The following CFI variants were observed in gnomAD, a reference collection of about 807,000 sequenced individuals.
CFI encodes the protein complement factor I.
CFI carries 66 observed loss-of-function variants against 78.8 expected under a neutral mutation model. The observed-to-expected ratio is 0.84, with a 90% CI of 0.69 to 1.03. The LOEUF is 1.03. CFI is among the 50% of genes least tolerant of loss of function. The pLI is 0.00. For missense variants in CFI, 706 were observed against 704.5 expected, an observed-to-expected ratio of 1.00 and a Z score of -0.02; for synonymous variants, 250 against 232.6, an observed-to-expected ratio of 1.07 and a Z score of -0.68.
intron 1 of CFI, among the ~76,000 whole-genome samples, chr4:109,772,785 T>C (rs960060370): frequency 6.6e-6 from 1 of 152,180 alleles, no homozygotes; most frequent in Non-Finnish European, 1.5e-5. Flanking sequence ...GGCCTCACTA[T>C]GTTGCCCAGG....
chr4:109,767,417 A>G (rs1311225504), intron 1 of CFI, among the ~76,000 whole-genome samples: 7 of 151,330 alleles, frequency 4.6e-5, no homozygotes, highest in African/African-American at 1.7e-4. Context: ...TCTACAATGA[A>G]CTCAAACAAA....
chr4:109,778,825 A>G (rs1560557137), intron 1 of CFI, among the ~76,000 whole-genome samples: 1 of 152,250 alleles, frequency 6.6e-6, no homozygotes, highest in African/African-American at 2.4e-5. Context: ...GGCTGGTTTA[A>G]CATATGCAAA....
At chr4:109,781,141 T>A (rs754791001) in intron 1 of CFI, among the ~76,000 whole-genome samples, 6 of 151,810 alleles carry the variant, frequency 4.0e-5, no homozygotes, top group Non-Finnish European at 5.9e-5. Context: ...GAACTTAAAG[T>A]ATAAAAAAAA....
chr4:109,749,683 CA>C, intron 8 of CFI, 81 bp from the exon 9 acceptor site: 1 of 874,916 alleles, frequency 1.1e-6, no homozygotes, highest in Non-Finnish European at 1.9e-6. Context: ...ATCTATGCCA[CA>C]AAAACAGGAG....
chr4:109,745,402 A>T (rs1263434543), intron 11 of CFI, among the ~76,000 whole-genome samples: 1 of 152,124 alleles, frequency 6.6e-6, no homozygotes, highest in Non-Finnish European at 1.5e-5. Context: ...TCCTGGGCTC[A>T]AGTGATCACC....
At chr4:109,787,777 A>G (rs1730920902) in intron 1 of CFI, among the ~76,000 whole-genome samples, 1 of 151,972 alleles carries the variant, frequency 6.6e-6, no homozygotes, top group Admixed American at 6.6e-5. Flanking sequence ...TTTTTGTCTT[A>G]GAGATTAAAA....
rs140437088 is a variant in CFI at position 109,746,663 on chromosome 4, G to C, written c.1149-161C>G. On this transcript the variant is annotated intron_variant, in intron 10 of 12. Transcript: ENST00000394634. ...GAAGCAATGAGATTAAATTTACTTA[G>C]TGCAGAATTAGGTCAATGGTAAATG... Among the ~76,000 whole-genome samples, 124 of 152,198 alleles carry C rather than the reference G, an allele frequency of 8.1e-4. 2 individuals are homozygous for C. The East Asian group carries it at 0.024, about 29-fold the overall frequency.
rs756858894 is a variant in CFI at position 109,746,282 on chromosome 4, A to G, written c.1369T>C (p.Ser457Pro). ...PRSIPACVPW[S>P]PYLFQPNDTC... ...TCATTAGGTTGGAATAGGTAAGGAGACCAGGGGACACAGGCAGGGATGGAA... is the reference window on the plus strand; with the variant it reads ...TCATTAGGTTGGAATAGGTAAGGAGGCCAGGGGACACAGGCAGGGATGGAA... The change falls in exon 11 of 13, where the codon TCT becomes CCT. Residue 457 changes from serine (S) to proline (P), a missense_variant. Physicochemically the swap from Ser to Pro is moderately conservative, Grantham distance 74 (BLOSUM62 -1). Transcript: ENST00000394634. 7 of 1,614,160 alleles carry G rather than the reference A, an allele frequency of 4.3e-6. No individual in the cohort carries two copies. In the South Asian group the frequency reaches 6.6e-5, roughly 15 times the overall value.
At chr4:109,756,955 A>G (rs566852497) in intron 7 of CFI, among the ~76,000 whole-genome samples, 10 of 144,618 alleles carry the variant, frequency 6.9e-5, no homozygotes, top group African/African-American at 2.6e-4. Context: ...GAAAGAAAGA[A>G]AGAAAGAAAG....
chr4:109,793,435 A>T (rs1173391066), intron 1 of CFI: 1 of 152,230 alleles, frequency 6.6e-6, no homozygotes, highest in Non-Finnish European at 1.5e-5. Context: ...CCTTTACTGG[A>T]GTTCTTTATT....
At chr4:109,788,102 T>C (rs1440710620) in intron 1 of CFI, among the ~76,000 whole-genome samples, 1 of 152,076 alleles carries the variant, frequency 6.6e-6, no homozygotes, top group Non-Finnish European at 1.5e-5. Flanking sequence ...TTGTAACTAG[T>C]GGCCCTATAA....
chr4:109,738,667 C>T (rs527614896), downstream of CFI, among the ~76,000 whole-genome samples: 3 of 152,278 alleles, frequency 2.0e-5, no homozygotes, highest in Non-Finnish European at 2.9e-5. Flanking sequence ...TCATCGGCTG[C>T]TATGTAGGAA....
intron 1 of CFI, among the ~76,000 whole-genome samples, chr4:109,778,160 CA>C (rs1424425417): frequency 3.3e-5 from 5 of 152,014 alleles, no homozygotes; most frequent in African/African-American, 9.7e-5. Flanking sequence ...GATACGGACA[CA>C]AAAAACCCTT....
At chr4:109,782,169 A>G (rs1321876547) in intron 1 of CFI, among the ~76,000 whole-genome samples, 1 of 151,998 alleles carries the variant, frequency 6.6e-6, no homozygotes, top group Non-Finnish European at 1.5e-5. Flanking sequence ...GAGTAAACAG[A>G]CAAGAGAAAT....
chr4:109,745,126 A>G (rs1724253659), intron 11 of CFI, among the ~76,000 whole-genome samples: 1 of 152,196 alleles, frequency 6.6e-6, no homozygotes. Flanking sequence ...TATCAAAGAG[A>G]ATTTAAGATG....
At chr4:109,762,943 G>A (rs1324650410) in intron 3 of CFI, among the ~76,000 whole-genome samples, 1 of 152,284 alleles carries the variant, frequency 6.6e-6, no homozygotes, top group African/African-American at 2.4e-5. Context: ...CTACCAGTAG[G>A]TTGAACCATA....
intron 1 of CFI, among the ~76,000 whole-genome samples, chr4:109,789,218 C>T (rs1731083954): frequency 6.6e-6 from 1 of 151,730 alleles, no homozygotes; most frequent in South Asian, 2.1e-4. Flanking sequence ...CTTCAAGTAG[C>T]CTAGTACATA....
At chr4:109,774,362 T>G (rs945070517) in intron 1 of CFI, among the ~76,000 whole-genome samples, 7 of 152,098 alleles carry the variant, frequency 4.6e-5, no homozygotes. Flanking sequence ...AGAGAAGATT[T>G]TGGAGAAAAC....
At chr4:109,782,021 A>G (rs1297635748) in intron 1 of CFI, among the ~76,000 whole-genome samples, 2 of 152,082 alleles carry the variant, frequency 1.3e-5, no homozygotes, top group African/African-American at 4.8e-5. Flanking sequence ...AATGTAATAA[A>G]AGCTATCTAT....
Sources: allele counts gnomAD v4.1 joint callset (sites outside exome capture counted in the v4.1 genomes callset), GRCh38; gene constraint gnomAD v4.1.1; transcripts MANE v1.5; gene names NCBI Gene and HGNC (gene_info 2026-07-23, HGNC 2026-07-21).